BLNK: variants seen among roughly 807,000 people sequenced by gnomAD.
BLNK encodes B-cell linker protein.
In BLNK, 29 loss-of-function variants were observed where a neutral mutation model predicts 73.5. The ratio of observed to expected loss-of-function variants is 0.39; its 90% CI spans 0.29 to 0.54. The LOEUF (loss-of-function observed/expected upper bound fraction) is 0.54. Among genes scored for constraint, BLNK ranks in the 20% least tolerant of loss-of-function variants. The probability of loss-of-function intolerance (pLI) is 0.61; values close to 1 mark genes in which losing one functional copy is unlikely to be tolerated. For missense variants in BLNK, 460 were observed against 562.8 expected (o/e 0.82, Z 1.85); for synonymous variants, 176 against 200.8 (o/e 0.88, Z 1.04).
chr10:96,217,581 T>C (rs1564825605), intron 6 of BLNK, among the ~76,000 whole-genome samples: 1 of 152,238 alleles, frequency 6.6e-6, no homozygotes, highest in Non-Finnish European at 1.5e-5. Flanking sequence ...TCTTTTTATA[T>C]ACTTATTGTC....
intron 1 of BLNK, among the ~76,000 whole-genome samples, chr10:96,264,324 A>G (rs1342823884): frequency 6.6e-6 from 1 of 152,196 alleles, no homozygotes; most frequent in Non-Finnish European, 1.5e-5. Flanking sequence ...ATCTGCAGAG[A>G]CGGAGTCTTG....
At chr10:96,245,955 T>C (rs552924185) in intron 2 of BLNK, among the ~76,000 whole-genome samples, 1 of 152,202 alleles carries the variant, frequency 6.6e-6, no homozygotes, top group East Asian at 1.9e-4. Flanking sequence ...TTCTGGCCTC[T>C]TTGATTTTTT....
At chr10:96,223,419 C>CT (rs1266610498) in intron 6 of BLNK, among the ~76,000 whole-genome samples, 2 of 152,194 alleles carry the variant, frequency 1.3e-5, no homozygotes, top group Non-Finnish European at 2.9e-5. Flanking sequence ...GCCTTGGTCT[C>CT]TCCTTCTGCC....
intron 16 of BLNK, among the ~76,000 whole-genome samples, chr10:96,193,609 CT>C (rs1177172603): frequency 6.6e-6 from 1 of 152,132 alleles, no homozygotes; most frequent in Non-Finnish European, 1.5e-5. Context: ...ACAGCTTCCC[CT>C]CACTCTCCTT....
chr10:96,234,321 G>A (rs782005807), intron 3 of BLNK, among the ~76,000 whole-genome samples: 1 of 152,172 alleles, frequency 6.6e-6, no homozygotes, highest in Non-Finnish European at 1.5e-5. Flanking sequence ...TCTACTTCAG[G>A]TCCCAAGTGC....
At chr10:96,237,848 A>G (rs1842752971) in intron 3 of BLNK, among the ~76,000 whole-genome samples, 1 of 152,220 alleles carries the variant, frequency 6.6e-6, no homozygotes, top group Non-Finnish European at 1.5e-5. Flanking sequence ...CTTGGACAGG[A>G]TACTTAATGT....
At position 96,190,208 on chromosome 10, in the gene BLNK, C is replaced by T. The variant is rs868910146; in HGVS notation, c.*1765G>A. 2.9e-5 allele frequency: 22 copies of T among 770,810 alleles called. No homozygotes were observed. Among genetic ancestry groups the T allele is most frequent in the East Asian group, 1.2e-4 (5 of 40,552 alleles). 47.7% of individuals were successfully genotyped at this position (770,810 alleles called of 1,614,324 possible). A position where few individuals can be genotyped will look rare whatever the true frequency, so the allele number is the denominator to read the frequency against. On this transcript the variant is annotated 3_prime_UTR_variant, in exon 17 of 17. Transcript: ENST00000224337. Reference sequence around the variant, plus strand: ...TCAGGGGGCTCACGTCCATGTCCATCGAATCTTCCATCAGGTGGCGGCACA... The same window carrying T: ...TCAGGGGGCTCACGTCCATGTCCATTGAATCTTCCATCAGGTGGCGGCACA...
intron 9 of BLNK, 46 bp downstream of exon 9, chr10:96,209,792 C>T: frequency 1.2e-6 from 2 of 1,610,422 alleles, no homozygotes; most frequent in South Asian, 2.2e-5. Flanking sequence ...TATCACCATC[C>T]TCACTCCCCA....
intron 7 of BLNK, 39 bp downstream of exon 7, chr10:96,216,614 G>A: frequency 6.4e-7 from 1 of 1,566,388 alleles, no homozygotes; most frequent in South Asian, 1.1e-5. Flanking sequence ...CTGATCAACT[G>A]CTAAAAATTT....
At chr10:96,269,988 C>T (rs193127422) in intron 1 of BLNK, among the ~76,000 whole-genome samples, 1 of 152,314 alleles carries the variant, frequency 6.6e-6, no homozygotes, top group African/African-American at 2.4e-5. Flanking sequence ...ATGAAACCTC[C>T]TCCTGCTACT....
At chr10:96,223,197 G>A (rs1164300579) in intron 6 of BLNK, among the ~76,000 whole-genome samples, 2 of 152,156 alleles carry the variant, frequency 1.3e-5, no homozygotes, top group Non-Finnish European at 2.9e-5. Context: ...AGCACACTGC[G>A]CATGCTCACC....
At chr10:96,202,194 G>C (rs1463598272) in intron 13 of BLNK, among the ~76,000 whole-genome samples, 1 of 152,172 alleles carries the variant, frequency 6.6e-6, no homozygotes, top group Non-Finnish European at 1.5e-5. Context: ...CATGACTCAA[G>C]AGCTGTAATG....
intron 2 of BLNK, among the ~76,000 whole-genome samples, chr10:96,244,634 G>A (rs558947790): frequency 6.6e-6 from 1 of 152,324 alleles, no homozygotes; most frequent in African/African-American, 2.4e-5. Context: ...AAGTAAAAGT[G>A]TAACTGCAAG....
At chr10:96,215,170 C>G (rs1023951811) in intron 8 of BLNK, 151 bp downstream of exon 8, 5 of 867,520 alleles carry the variant, frequency 5.8e-6, no homozygotes, top group African/African-American at 3.4e-5. Context: ...CTTCCACACA[C>G]GTGCCACCAG....
intron 1 of BLNK, among the ~76,000 whole-genome samples, chr10:96,259,817 G>A (rs1554912284): frequency 6.6e-6 from 1 of 151,464 alleles, no homozygotes; most frequent in East Asian, 1.9e-4. Flanking sequence ...AGCAGGAGTA[G>A]GGATGATTCT....
chr10:96,208,110 G>T (rs113119463), intron 9 of BLNK, among the ~76,000 whole-genome samples: 56 of 152,248 alleles, frequency 3.7e-4, no homozygotes, highest in Admixed American at 1.4e-3. Context: ...TGGGGAAGGG[G>T]TCAACTGGGG....
chr10:96,205,819 G>A (rs2083785938), intron 11 of BLNK, among the ~76,000 whole-genome samples: 1 of 152,236 alleles, frequency 6.6e-6, no homozygotes, highest in Non-Finnish European at 1.5e-5. Flanking sequence ...CTAAGCAGCA[G>A]TGGACATGCC....
At chr10:96,244,572 G>C (rs1842979066) in intron 2 of BLNK, among the ~76,000 whole-genome samples, 1 of 152,212 alleles carries the variant, frequency 6.6e-6, no homozygotes. Context: ...TAGGGAACCA[G>C]CGTGTTCAAG....
intron 1 of BLNK, among the ~76,000 whole-genome samples, chr10:96,259,834 A>G (rs917434303): frequency 3.3e-5 from 5 of 151,520 alleles, no homozygotes; most frequent in Non-Finnish European, 7.4e-5. Context: ...TTCTACTAAT[A>G]CCCTGTGTCC....
Sources: gnomAD v4.1 joint callset for allele counts (sites outside exome capture counted in the v4.1 genomes callset) on GRCh38, gnomAD v4.1.1 for gene constraint, MANE v1.5 for transcripts, NCBI Gene and HGNC (gene_info 2026-07-23, HGNC 2026-07-21) for gene names.